DPP10: variants seen among roughly 807,000 people sequenced by gnomAD.
DPP10 encodes the protein inactive dipeptidyl peptidase 10.
Under a neutral mutation model 120.9 loss-of-function variants are expected in DPP10, and 33 were observed. That is an observed-to-expected ratio of 0.27 (90% CI 0.21 to 0.37). DPP10 has a LOEUF of 0.37. Ranked by LOEUF, DPP10 falls within the 10% of genes least tolerant of loss-of-function variation. The pLI is 1.00. For synonymous variants in DPP10, 337 were observed against 326.1 expected, an observed-to-expected ratio of 1.03 and a Z score of -0.36; for missense variants, 816 against 942.8, an observed-to-expected ratio of 0.87 and a Z score of 1.76.
At chr2:114,855,457 C>T (rs1174416738) in intron 1 of DPP10, among the ~76,000 whole-genome samples, 1 of 152,044 alleles carries the variant, frequency 6.6e-6, no homozygotes, top group East Asian at 1.9e-4. Flanking sequence ...TCTAAACAAC[C>T]CCTGTGGCAG....
At chr2:114,904,387 C>T (rs1183138712) in intron 1 of DPP10, among the ~76,000 whole-genome samples, 1 of 152,172 alleles carries the variant, frequency 6.6e-6, no homozygotes, top group Non-Finnish European at 1.5e-5. Flanking sequence ...GAAGGTAGAA[C>T]TGGCAAGGAT....
At chr2:115,760,299 A>G (rs552705319) in intron 11 of DPP10, among the ~76,000 whole-genome samples, 1 of 152,322 alleles carries the variant, frequency 6.6e-6, no homozygotes, top group East Asian at 1.9e-4. Context: ...GTGGTGTGGA[A>G]GAAACCTCAC....
Position 115,801,137 on chromosome 2 carries a change from A to C in DPP10, c.1700+9781A>C, listed in dbSNP as rs1325643928. 2.0e-5 allele frequency among the ~76,000 whole-genome samples: 3 copies of C among 151,920 alleles called. No homozygotes were observed. In the East Asian group the frequency reaches 5.8e-4, roughly 29 times the overall value. ...GAGCAGTGGTTTGTAGTTCTCCTTG[A>C]AGAGGTCCTTCACATCCCTTGTAAG... On this transcript the variant is annotated intron_variant, in intron 19 of 25. Coordinates refer to ENST00000410059, the MANE Select transcript of DPP10 (RefSeq NM_020868.6).
At chr2:115,330,561 GT>G (rs1321097461) in intron 2 of DPP10, among the ~76,000 whole-genome samples, 1 of 151,984 alleles carries the variant, frequency 6.6e-6, no homozygotes, top group Non-Finnish European at 1.5e-5. Flanking sequence ...GGTTTTTATG[GT>G]TTTAACTCTA....
chr2:115,750,077 G>A (rs2149735355), intron 10 of DPP10: 1 of 985,312 alleles, frequency 1.0e-6, no homozygotes, highest in East Asian at 1.1e-4. Context: ...TTATAAGAAA[G>A]GGACACTTCT....
At chr2:115,405,786 A>G (rs1711995) in intron 3 of DPP10, among the ~76,000 whole-genome samples, 97,358 of 152,056 alleles carry the variant, frequency 0.64, 31,813 homozygotes, top group Middle Eastern at 0.76. Context: ...CATGGCTGGA[A>G]CAGCCAGAGC....
chr2:115,413,748 TC>T (rs1470039978), intron 3 of DPP10, among the ~76,000 whole-genome samples: 1 of 152,180 alleles, frequency 6.6e-6, no homozygotes, highest in African/African-American at 2.4e-5. Context: ...AAGCCTAGTT[TC>T]CGAGTCAAAG....
intron 1 of DPP10, among the ~76,000 whole-genome samples, chr2:114,840,457 G>A (rs757400680): frequency 3.3e-5 from 5 of 151,984 alleles, no homozygotes; most frequent in Non-Finnish European, 5.9e-5. Flanking sequence ...TGACCCATTC[G>A]CTTTTCACTC....
chr2:115,302,394 A>G (rs1429451690), intron 1 of DPP10, among the ~76,000 whole-genome samples: 3 of 152,006 alleles, frequency 2.0e-5, no homozygotes, highest in Admixed American at 6.6e-5. Context: ...TAAACAAATT[A>G]ATTGTAAAAA....
chr2:114,494,101 CAAA>C lies in DPP10; in HGVS notation c.60+51281_60+51283del, dbSNP rs58552540. On this transcript the variant is annotated intron_variant, in intron 1 of 25. Coordinates refer to ENST00000410059, the MANE Select transcript of DPP10 (RefSeq NM_020868.6). ...CAGGTAAATAAAGACAGCAATAAGG[CAAA>C]AAAAAAAAAAAAAAAAACCCAGCAA... Among the ~76,000 whole-genome samples the C allele has an allele frequency of 6.6e-4, 51 of 77,192 alleles. 2 individuals are homozygous for C. The highest frequency in any genetic ancestry group is 1.8e-3 in the African/African-American group (37 of 20,038). 50.6% of individuals were successfully genotyped at this position (77,192 alleles called of 152,430 possible).
chr2:114,817,579 C>T (rs545321914), intron 1 of DPP10, among the ~76,000 whole-genome samples: 1 of 152,270 alleles, frequency 6.6e-6, no homozygotes, highest in Admixed American at 6.5e-5. Flanking sequence ...TTACTAGAAT[C>T]TCATCAAGAC....
intron 1 of DPP10, among the ~76,000 whole-genome samples, chr2:114,780,695 G>C (rs1682242614): frequency 1.3e-5 from 2 of 151,922 alleles, no homozygotes; most frequent in Admixed American, 1.3e-4. Flanking sequence ...AAGAAATTTT[G>C]TTAAATTGCA....
chr2:115,601,839 AT>A (rs34334965), intron 5 of DPP10, among the ~76,000 whole-genome samples: 24,112 of 139,830 alleles, frequency 0.17, 3,338 homozygotes, highest in African/African-American at 0.41. Context: ...ATGCCTGGCT[AT>A]TTTTTTTTTT....
At position 115,743,354 on chromosome 2, in the gene DPP10, G is replaced by A. The variant is rs183277533; in HGVS notation, c.853-2732G>A. Among the ~76,000 whole-genome samples the A allele has an allele frequency of 3.4e-4, 51 of 152,156 alleles. 2 individuals are homozygous for A. The highest frequency in any genetic ancestry group is 1.2e-3 in the African/African-American group (50 of 41,532). On this transcript the variant is annotated intron_variant, in intron 9 of 25. Transcript: ENST00000410059. ...TGTCTGAAAACTGGCCACATTGTGT[G>A]CACAATTTTTACTTTGTGATAAGCT...
intron 1 of DPP10, among the ~76,000 whole-genome samples, chr2:115,163,833 A>G (rs1382391763): frequency 6.6e-6 from 1 of 152,014 alleles, no homozygotes; most frequent in Non-Finnish European, 1.5e-5. Context: ...AGTGGGATGC[A>G]GAAGCAGAGC....
chr2:114,696,905 G>A (rs1051723903), intron 1 of DPP10, among the ~76,000 whole-genome samples: 15 of 151,782 alleles, frequency 9.9e-5, no homozygotes, highest in African/African-American at 1.5e-4. Context: ...ATTTATTTCC[G>A]AGCATTAATT....
At chr2:115,223,729 A>T (rs1410145546) in intron 1 of DPP10, among the ~76,000 whole-genome samples, 1 of 152,174 alleles carries the variant, frequency 6.6e-6, no homozygotes, top group Non-Finnish European at 1.5e-5. Context: ...TGTTGGGACC[A>T]GACTAATGGG....
At chr2:115,817,324 G>T (rs955820079) in intron 21 of DPP10, among the ~76,000 whole-genome samples, 1 of 152,080 alleles carries the variant, frequency 6.6e-6, no homozygotes, top group Admixed American at 6.5e-5. Flanking sequence ...GCAAATTCTT[G>T]GTGTTCATGG....
intron 1 of DPP10, among the ~76,000 whole-genome samples, chr2:114,701,718 G>T (rs72830359): frequency 0.011 from 1,728 of 152,220 alleles, 11 homozygotes; most frequent in Middle Eastern, 0.034. Context: ...CCAAGGAATT[G>T]TTGATGGGAA....
Sources: gnomAD v4.1 joint callset for allele counts (sites outside exome capture counted in the v4.1 genomes callset) on GRCh38, gnomAD v4.1.1 for gene constraint, MANE v1.5 for transcripts, NCBI Gene and HGNC (gene_info 2026-07-23, HGNC 2026-07-21) for gene names.